Variants in ALOX5 observed in about 807,000 individuals in gnomAD.
ALOX5 encodes polyunsaturated fatty acid 5-lipoxygenase.
In ALOX5, 64 loss-of-function variants were observed where a neutral mutation model predicts 87.9. The ratio of observed to expected loss-of-function variants is 0.73; its 90% CI spans 0.60 to 0.90. ALOX5 has a LOEUF of 0.90. Ranked by LOEUF, ALOX5 falls within the 40% of genes least tolerant of loss-of-function variation. The pLI is 0.00. For missense variants in ALOX5, 822 were observed against 907.5 expected, an observed-to-expected ratio of 0.91 and a Z score of 1.21; for synonymous variants, 388 against 355.1, an observed-to-expected ratio of 1.09 and a Z score of -1.04.
chr10:45,443,901 C>A, intron 12 of ALOX5, 73 bp downstream of exon 12: 1 of 1,503,458 alleles, frequency 6.7e-7, no homozygotes, highest in Admixed American at 2.0e-5. Context: ...CCCGGTTCTG[C>A]ACGCGTACTG....
chr10:45,414,143 C>T (rs1841176720), intron 4 of ALOX5, among the ~76,000 whole-genome samples: 1 of 152,138 alleles, frequency 6.6e-6, no homozygotes, highest in Non-Finnish European at 1.5e-5. Flanking sequence ...AATCCTAAGC[C>T]AAAAGAACAG....
At chr10:45,427,880 C>A (rs554876539) in intron 6 of ALOX5, among the ~76,000 whole-genome samples, 1 of 152,144 alleles carries the variant, frequency 6.6e-6, no homozygotes, top group Non-Finnish European at 1.5e-5. Context: ...GGCACGGATC[C>A]GCGGGTCAGC....
chr10:45,441,683 C>G, intron 9 of ALOX5: 1 of 486,310 alleles, frequency 2.1e-6, no homozygotes, highest in East Asian at 3.3e-5. Context: ...CCTCCCCTCT[C>G]CCAGCCTCTG....
chr10:45,385,055 C>A (rs1031218177), intron 2 of ALOX5, among the ~76,000 whole-genome samples: 2 of 152,064 alleles, frequency 1.3e-5, no homozygotes, highest in African/African-American at 2.4e-5. Context: ...CCATGTTGGC[C>A]AGGCTAGTCT....
chr10:45,443,786 C>A lies in ALOX5; in HGVS notation c.1632C>A (p.Ile544=), dbSNP rs1842331690. ...TGTCGGAGTACCTGACCGTGGTGATCTTCACCGCCTCCGCCCAGCACGCCG... is the reference window on the plus strand; with the variant it reads ...TGTCGGAGTACCTGACCGTGGTGATATTCACCGCCTCCGCCCAGCACGCCG... ...EQLSEYLTVV[I]FTASAQHAAV... The change falls in exon 12 of 14, where the codon ATC becomes ATA. Residue 544 remains isoleucine (I), a synonymous_variant. Transcript: ENST00000374391. 6.2e-7 allele frequency: 1 copy of A among 1,611,876 alleles called. No homozygotes were observed. Among genetic ancestry groups the A allele is most frequent in the Non-Finnish European group, 8.5e-7 (1 of 1,179,242 alleles).
chr10:45,428,127 T>G, intron 6 of ALOX5, among the ~76,000 whole-genome samples: 1 of 86,018 alleles, frequency 1.2e-5, no homozygotes, highest in Non-Finnish European at 2.4e-5. Flanking sequence ...CCCTCCCCCT[T>G]CCCCCGCAGC....
At chr10:45,390,282 T>C (rs892401897) in intron 2 of ALOX5, among the ~76,000 whole-genome samples, 1 of 152,144 alleles carries the variant, frequency 6.6e-6, no homozygotes, top group African/African-American at 2.4e-5. Context: ...GACAGATCAA[T>C]GAGACAGAAA....
intron 2 of ALOX5, among the ~76,000 whole-genome samples, chr10:45,383,886 C>G (rs1481403465): frequency 6.6e-6 from 1 of 152,110 alleles, no homozygotes; most frequent in African/African-American, 2.4e-5. Flanking sequence ...GTGGACAGGG[C>G]ACTTCTCTTT....
At chr10:45,411,098 C>G (rs1841046876) in intron 3 of ALOX5, among the ~76,000 whole-genome samples, 1 of 152,182 alleles carries the variant, frequency 6.6e-6, no homozygotes, top group South Asian at 2.1e-4. Flanking sequence ...GGGTAACTTC[C>G]TGACATTACT....
intron 2 of ALOX5, among the ~76,000 whole-genome samples, chr10:45,394,260 TA>T (rs1292589154): frequency 6.6e-6 from 1 of 152,114 alleles, no homozygotes; most frequent in African/African-American, 2.4e-5. Context: ...AACAGAGATA[TA>T]GACCAATGGA....
chr10:45,374,615 G>A (rs981651516), intron 1 of ALOX5, among the ~76,000 whole-genome samples, 186 bp downstream of exon 1: 8 of 152,192 alleles, frequency 5.3e-5, no homozygotes, highest in Non-Finnish European at 5.9e-5. Context: ...CCCAGTGGCC[G>A]GTGGGTACCC....
At chr10:45,403,633 T>C (rs545885544) in intron 3 of ALOX5, among the ~76,000 whole-genome samples, 15 of 152,324 alleles carry the variant, frequency 9.8e-5, no homozygotes, top group Non-Finnish European at 2.1e-4. Context: ...ATTTCCCAAT[T>C]GAAAAATCAA....
At chr10:45,380,806 G>T (rs553150505) in intron 1 of ALOX5, among the ~76,000 whole-genome samples, 9 of 152,278 alleles carry the variant, frequency 5.9e-5, no homozygotes, top group African/African-American at 2.2e-4. Context: ...ACCAGATGTG[G>T]TGGCAGGTGC....
intron 1 of ALOX5, among the ~76,000 whole-genome samples, chr10:45,380,115 C>T (rs1839776238): frequency 6.6e-6 from 1 of 152,254 alleles, no homozygotes; most frequent in Non-Finnish European, 1.5e-5. Flanking sequence ...CCTGCCCACC[C>T]TGTCCATGAT....
At chr10:45,410,977 C>T (rs1049374397) in intron 3 of ALOX5, among the ~76,000 whole-genome samples, 3 of 152,340 alleles carry the variant, frequency 2.0e-5, no homozygotes, top group African/African-American at 7.2e-5. Context: ...AGCATACTTA[C>T]AGTCACTTCG....
At chr10:45,443,244 G>A (rs56067550) in intron 10 of ALOX5, 28 bp downstream of exon 10, 38,689 of 1,605,368 alleles carry the variant, frequency 0.024, 587 homozygotes, top group Non-Finnish European at 0.028. Context: ...GGTGGTCCTG[G>A]GGGAGGAGCC....
chr10:45,430,544 G>A (rs1381265715), intron 7 of ALOX5, among the ~76,000 whole-genome samples: 2 of 151,958 alleles, frequency 1.3e-5, no homozygotes, highest in African/African-American at 2.4e-5. Flanking sequence ...GAGGCAGGAG[G>A]CTCACTTGAG....
In ALOX5 at chr10:45,434,311, C is replaced by A. The variant is rs139112240; in HGVS notation, c.981+5547C>A. ...AGGCACTGTCTACTCGAAAACATAC[C>A]CAAACCCCCAAGGCTCAGCCTTCGC... On this transcript the variant is annotated intron_variant, in intron 7 of 13. Transcript: ENST00000374391. 5.7e-3 allele frequency among the ~76,000 whole-genome samples: 861 copies of A among 152,256 alleles called. 6 individuals are homozygous for A. Among genetic ancestry groups the A allele is most frequent in the Middle Eastern group, 0.034 (10 of 294 alleles).
At chr10:45,393,529 T>C (rs1314901998) in intron 2 of ALOX5, among the ~76,000 whole-genome samples, 1 of 152,190 alleles carries the variant, frequency 6.6e-6, no homozygotes, top group Non-Finnish European at 1.5e-5. Context: ...AAGCATTCCC[T>C]TTGAAAACTG....
Sources: gnomAD v4.1 joint callset for allele counts (sites outside exome capture counted in the v4.1 genomes callset) on GRCh38, gnomAD v4.1.1 for gene constraint, MANE v1.5 for transcripts, NCBI Gene and HGNC (gene_info 2026-07-23, HGNC 2026-07-21) for gene names.